TLR6: variants seen among roughly 807,000 people sequenced by gnomAD.
TLR6 encodes the protein toll-like receptor 6.
Under a neutral mutation model 16.1 loss-of-function variants are expected in TLR6, and 9 were observed. That is an observed-to-expected ratio of 0.56 (90% confidence interval 0.34 to 0.98). The LOEUF (loss-of-function observed/expected upper bound fraction) is 0.98. TLR6 is among the 50% of genes least tolerant of loss of function. The pLI, the probability that TLR6 is intolerant of heterozygous loss-of-function variation, is 0.02. For missense variants in TLR6, 786 were observed against 921.0 expected (o/e 0.85, Z 1.90); for synonymous variants, 340 against 338.6 (o/e 1.00, Z -0.04).
rs114601407 is a variant in TLR6 at position 38,832,525 on chromosome 4, C to G, written c.-64-2988G>C. Reference sequence around the variant, plus strand: ...TGGGGCTGTCTGGAATATATGCAATCACATTGTTCCACAATGGGACTTCAC... The same window carrying G: ...TGGGGCTGTCTGGAATATATGCAATGACATTGTTCCACAATGGGACTTCAC... On this transcript the variant is annotated intron_variant, in intron 1 of 1. Transcript: ENST00000436693. Among the ~76,000 whole-genome samples, 1,245 of 152,304 alleles carry G rather than the reference C, an allele frequency of 8.2e-3. 22 individuals carry two copies. Among genetic ancestry groups the G allele is most frequent in the African/African-American group, 0.028 (1,164 of 41,546 alleles).
At chr4:38,835,379 C>T (rs894829992) in intron 1 of TLR6, among the ~76,000 whole-genome samples, 2 of 152,030 alleles carry the variant, frequency 1.3e-5, no homozygotes, top group African/African-American at 2.4e-5. Context: ...CAAAAAAAGC[C>T]ATTATATAAT....
At chr4:38,834,623 A>G (rs1446833529) in intron 1 of TLR6, among the ~76,000 whole-genome samples, 1 of 150,954 alleles carries the variant, frequency 6.6e-6, no homozygotes, top group Non-Finnish European at 1.5e-5. Flanking sequence ...GAAGACTAAG[A>G]CAGAATCCTA....
chr4:38,845,465 A>G (rs6821892), intron 1 of TLR6, among the ~76,000 whole-genome samples: 37,380 of 152,262 alleles, frequency 0.25, 5,076 homozygotes, highest in Non-Finnish European at 0.28. Flanking sequence ...TGGCCCCAGT[A>G]TAATCACAAG....
chr4:38,860,203 G>A (rs895339395), upstream of TLR6, among the ~76,000 whole-genome samples: 2 of 152,114 alleles, frequency 1.3e-5, no homozygotes, highest in Non-Finnish European at 2.9e-5. Context: ...TGGGCGCAGT[G>A]GCTCACACTT....
chr4:38,857,542 T>C (rs75810084), upstream of TLR6, among the ~76,000 whole-genome samples: 1 of 152,084 alleles, frequency 6.6e-6, no homozygotes, highest in African/African-American at 2.4e-5. Flanking sequence ...TGGTGGACAG[T>C]AAACCCTTTT....
At chr4:38,831,329 G>C (rs1425321414) in intron 1 of TLR6, among the ~76,000 whole-genome samples, 2 of 149,894 alleles carry the variant, frequency 1.3e-5, no homozygotes, top group Non-Finnish European at 3.0e-5. Context: ...AAAGAATTTA[G>C]ACGCAGACCT....
chr4:38,839,318 ATT>A (rs1021845014), intron 1 of TLR6, among the ~76,000 whole-genome samples: 29 of 152,072 alleles, frequency 1.9e-4, no homozygotes, highest in Admixed American at 3.9e-4. Flanking sequence ...TTTAAAAAAA[ATT>A]AATAGAAATG....
At chr4:38,843,534 C>T (rs1560269162) in intron 1 of TLR6, 1 of 152,142 alleles carries the variant, frequency 6.6e-6, no homozygotes, top group Non-Finnish European at 1.5e-5. Flanking sequence ...AATAGTAAAA[C>T]AGGAAAGAGA....
At chr4:38,834,441 A>G (rs1200879474) in intron 1 of TLR6, among the ~76,000 whole-genome samples, 1 of 151,778 alleles carries the variant, frequency 6.6e-6, no homozygotes, top group Non-Finnish European at 1.5e-5. Context: ...TTCCAGAAGC[A>G]GAAGAGATGA....
chr4:38,847,349 C>A (rs1712572494), intron 1 of TLR6, among the ~76,000 whole-genome samples: 1 of 152,148 alleles, frequency 6.6e-6, no homozygotes, highest in Non-Finnish European at 1.5e-5. Context: ...CTATAGCTCT[C>A]AGCATAAGTG....
At chr4:38,848,007 A>C (rs1221645865) in intron 1 of TLR6, among the ~76,000 whole-genome samples, 6 of 152,092 alleles carry the variant, frequency 3.9e-5, no homozygotes, top group Non-Finnish European at 8.8e-5. Context: ...CCTGACCCCC[A>C]TGTAGCCTAA....
chr4:38,861,731 TCTC>T (rs1481476456), upstream of TLR6, among the ~76,000 whole-genome samples: 1 of 152,078 alleles, frequency 6.6e-6, no homozygotes, highest in African/African-American at 2.4e-5. Context: ...ACTCTCCTGT[TCTC>T]CTCTTTCACA....
the TLR6 span, among the ~76,000 whole-genome samples, chr4:38,865,247 T>C: frequency 6.6e-6 from 1 of 152,240 alleles, no homozygotes; most frequent in Non-Finnish European, 1.5e-5. Context: ...TATTCTTTAC[T>C]TTTCTATATA....
the TLR6 span, chr4:38,867,671 G>A: frequency 2.6e-5 from 4 of 151,528 alleles, no homozygotes; most frequent in Non-Finnish European, 4.4e-5. Context: ...CTCGCAGCGT[G>A]GGGGTGGCCG....
intron 1 of TLR6, among the ~76,000 whole-genome samples, chr4:38,854,742 A>C (rs1175253074): frequency 6.6e-6 from 1 of 152,204 alleles, no homozygotes; most frequent in African/African-American, 2.4e-5. Flanking sequence ...TTTCTAAAGA[A>C]ATAGTCAAAA....
intron 1 of TLR6, among the ~76,000 whole-genome samples, chr4:38,836,483 A>G (rs916433054): frequency 6.6e-6 from 1 of 152,256 alleles, no homozygotes; most frequent in Non-Finnish European, 1.5e-5. Flanking sequence ...TTGAATCAGT[A>G]ATAAAACATT....
At chr4:38,830,338 A>G (rs1727762807) in intron 1 of TLR6, among the ~76,000 whole-genome samples, 1 of 152,256 alleles carries the variant, frequency 6.6e-6, no homozygotes, top group African/African-American at 2.4e-5. Context: ...ATAGCCACAC[A>G]TGACAAAGAA....
intron 1 of TLR6, among the ~76,000 whole-genome samples, chr4:38,850,388 A>G (rs1712717670): frequency 6.6e-6 from 1 of 152,228 alleles, no homozygotes; most frequent in Non-Finnish European, 1.5e-5. Flanking sequence ...TCAGAGCAGA[A>G]CTGAAGGAGA....
At chr4:38,854,909 T>C (rs555275098) in intron 1 of TLR6, among the ~76,000 whole-genome samples, 2 of 152,218 alleles carry the variant, frequency 1.3e-5, no homozygotes, top group Middle Eastern at 3.4e-3. Flanking sequence ...GTTAAATGAA[T>C]ACAGTAATAG....
Sources: gnomAD v4.1 joint callset for allele counts (sites outside exome capture counted in the v4.1 genomes callset) on GRCh38, gnomAD v4.1.1 for gene constraint, MANE v1.5 for transcripts, NCBI Gene and HGNC (gene_info 2026-07-23, HGNC 2026-07-21) for gene names.